The following DDB2 variants were observed in gnomAD, a reference collection of about 807,000 sequenced individuals.
DDB2 encodes the protein DNA damage-binding protein 2.
Under a neutral mutation model 50.5 loss-of-function variants are expected in DDB2, and 27 were observed. The observed-to-expected ratio is 0.53, with a 90% confidence interval of 0.39 to 0.74. DDB2 has a LOEUF of 0.74. Ranked by LOEUF, DDB2 falls within the 30% of genes least tolerant of loss-of-function variation. DDB2 has a pLI of 0.00. For synonymous variants in DDB2, 176 were observed against 205.5 expected, an observed-to-expected ratio of 0.86 and a Z score of 1.23; for missense variants, 424 against 545.6, an observed-to-expected ratio of 0.78 and a Z score of 2.22.
intron 9 of DDB2, 122 bp from the exon 10 acceptor site, chr11:47,238,678 T>A (rs1953786171): frequency 9.6e-7 from 1 of 1,044,652 alleles, no homozygotes; most frequent in Non-Finnish European, 1.4e-6. Flanking sequence ...GATTACAGAC[T>A]TGAGCCACCG....
chr11:47,235,293 C>G lies in DDB2; in HGVS notation c.904C>G (p.Arg302Gly), dbSNP rs776612511. ...AGCTTGTTTCAGTCCCGATGGAGCCCGGCTCCTGACCACGGACCAGAAGAG... is the reference window on the plus strand; with the variant it reads ...AGCTTGTTTCAGTCCCGATGGAGCCGGGCTCCTGACCACGGACCAGAAGAG... ...NAACFSPDGA[R>G]LLTTDQKSEI... Residue 302 changes from arginine to glycine, a missense_variant, in exon 7 of 10, where the codon CGG becomes GGG. By Grantham distance (125) the Arg-to-Gly change is moderately radical. Coordinates refer to ENST00000256996, the MANE Select transcript of DDB2 (RefSeq NM_000107.3). 1 of 1,614,198 alleles carries G rather than the reference C, an allele frequency of 6.2e-7. No individual in the cohort carries two copies. Among genetic ancestry groups the G allele is most frequent in the Non-Finnish European group, 8.5e-7 (1 of 1,180,026 alleles).
At chr11:47,223,263 T>A (rs1953511584) in intron 3 of DDB2, among the ~76,000 whole-genome samples, 2 of 152,108 alleles carry the variant, frequency 1.3e-5, no homozygotes, top group African/African-American at 2.4e-5. Context: ...GGCAAGTGGA[T>A]CATTTGCGAT....
intron 3 of DDB2, among the ~76,000 whole-genome samples, chr11:47,231,847 A>G (rs1379336553): frequency 2.0e-5 from 3 of 152,160 alleles, no homozygotes; most frequent in African/African-American, 7.2e-5. Context: ...GTGATGGAGA[A>G]CAGATCAGCC....
chr11:47,227,686 A>T (rs1354950891), intron 3 of DDB2, among the ~76,000 whole-genome samples: 1 of 152,060 alleles, frequency 6.6e-6, no homozygotes, highest in African/African-American at 2.4e-5. Context: ...GATTTTTAAT[A>T]GTTAAACCAA....
Position 47,237,826 on chromosome 11 carries a change from C to T in DDB2, c.1024-11C>T. The T allele has an allele frequency of 1.2e-6, 2 of 1,614,080 alleles. No individual in the cohort carries two copies. The highest frequency in any genetic ancestry group is 1.7e-6 in the Non-Finnish European group (2 of 1,180,000). On this transcript the variant is annotated splice_polypyrimidine_tract_variant and intron_variant, in intron 7 of 9. Coordinates refer to ENST00000256996, the MANE Select transcript of DDB2 (RefSeq NM_000107.3). ...GTGTTTACCCTCATGGCCGGCCTCT[C>T]CATCTCCTAGGCAGCCTGGCATCCT... is the stretch of plus-strand genomic sequence containing the variant.
chr11:47,215,990 T>TTG, intron 1 of DDB2: 1 of 403,188 alleles, frequency 2.5e-6, no homozygotes, highest in Non-Finnish European at 4.7e-6. Context: ...ATTTATAAAA[T>TTG]TGTGACCCAG....
Position 47,217,310 on chromosome 11 carries a change from A to G in DDB2, c.456+261A>G, listed in dbSNP as rs1953414955. On this transcript the variant is annotated intron_variant, in intron 3 of 9. Coordinates refer to ENST00000256996, the MANE Select transcript of DDB2 (RefSeq NM_000107.3). ...AGAATTGCTTGAACCCGGGAGGCAG[A>G]GGTTGCAGTGAGCCAAGATTGCACC... The G allele has an allele frequency of 8.2e-6, 3 of 364,796 alleles. No individual in the cohort carries two copies. The Admixed American group carries it at 1.1e-4, about 14-fold the overall frequency. The allele number at this position is 364,796 out of a possible 1,614,324, so 22.6% of individuals were successfully genotyped here. A position where few individuals can be genotyped will look rare whatever the true frequency, so the allele number is the denominator to read the frequency against.
intron 7 of DDB2, 118 bp downstream of exon 7, chr11:47,235,530 C>T: frequency 9.2e-7 from 1 of 1,088,882 alleles, no homozygotes; most frequent in Non-Finnish European, 1.4e-6. Flanking sequence ...TCGCTCCTGG[C>T]CCGAGCACAG....
At position 47,219,826 on chromosome 11, in the gene DDB2, C is replaced by T. The variant is rs111269132; in HGVS notation, c.456+2777C>T. Among the ~76,000 whole-genome samples, 106 of 152,040 alleles carry T rather than the reference C, an allele frequency of 7.0e-4. 1 individual carries two copies. The highest frequency in any genetic ancestry group is 2.2e-3 in the African/African-American group (91 of 41,448). ...TTTTTGAGATGGAGTCTCACTCCGC[C>T]GCCCAGGCTGGAGTGCAGTGGCGCA... On this transcript the variant is annotated intron_variant, in intron 3 of 9. Transcript: ENST00000256996.
intron 1 of DDB2, 180 bp downstream of exon 1, chr11:47,215,443 C>T (rs924391389): frequency 1.3e-6 from 1 of 770,120 alleles, no homozygotes; most frequent in South Asian, 1.5e-5. Context: ...ACACCTCTCC[C>T]GCTAGGTAAC....
chr11:47,232,981 G>C (rs941873927), intron 4 of DDB2, 22 bp downstream of exon 4: 7 of 1,613,854 alleles, frequency 4.3e-6, no homozygotes, highest in Middle Eastern at 1.7e-4. Context: ...AACTAGCAGG[G>C]GAAAGGGCTT....
chr11:47,220,038 C>G (rs1287756875), intron 3 of DDB2, among the ~76,000 whole-genome samples: 1 of 152,146 alleles, frequency 6.6e-6, no homozygotes, highest in Non-Finnish European at 1.5e-5. Context: ...ATCCGCCCGC[C>G]TCGACCTCCC....
rs1953700523 is a variant in DDB2 at position 47,234,801 on chromosome 11, C to G, written c.747C>G (p.Ala249=). Reference sequence around the variant, plus strand: ...ACAAAAAGAAAGTGACGCATGTGGCCCTGAACCCATGCTGTGATTGGTTCC... The same window carrying G: ...ACAAAAAGAAAGTGACGCATGTGGCGCTGAACCCATGCTGTGATTGGTTCC... The part of the protein sequence containing the change: ...RMHKKKVTHV[A]LNPCCDWFLA... Residue 249 remains alanine, a synonymous_variant, in exon 6 of 10, where the codon GCC becomes GCG. Coordinates refer to ENST00000256996, the MANE Select transcript of DDB2 (RefSeq NM_000107.3). The G allele has an allele frequency of 6.2e-7, 1 of 1,614,064 alleles. No individual in the cohort carries two copies. Among genetic ancestry groups the G allele is most frequent in the Admixed American group, 1.7e-5 (1 of 59,994 alleles).
intron 6 of DDB2, 87 bp from the exon 7 acceptor site, chr11:47,235,181 GGA>G: frequency 3.8e-6 from 6 of 1,559,486 alleles, no homozygotes; most frequent in Non-Finnish European, 5.3e-6. Flanking sequence ...GGAGTGGGAG[GGA>G]GAGTACCCCT....
chr11:47,216,426 T>A lies in DDB2; in HGVS notation c.218T>A (p.Leu73His), dbSNP rs199630230. 1.1e-4 allele frequency: 183 copies of A among 1,614,020 alleles called. 3 individuals carry two copies. In the South Asian group the frequency reaches 1.8e-3, roughly 16 times the overall value. The change falls in exon 2 of 10, where the codon CTC (leucine) becomes CAC (histidine). Residue 73 changes from leucine to histidine, a missense_variant. Physicochemically the swap from Leu to His is moderately conservative, Grantham distance 99 (BLOSUM62 -3). Transcript: ENST00000256996. ...LPPCRSIVRTLHQHKLGRASW... is the reference protein window; with the variant it reads ...LPPCRSIVRTHHQHKLGRASW... ...CCATGCCGCAGCATCGTCAGGACCC[T>A]CCACCAGCATAAGCTGGGCAGAGCT...
At chr11:47,214,833 C>T (rs1043619163), upstream of DDB2, 2 of 462,370 alleles carry the variant, frequency 4.3e-6, no homozygotes, top group Admixed American at 7.0e-5. Flanking sequence ...GTCAGCTGAC[C>T]CGGGCTGGCA....
intron 4 of DDB2, among the ~76,000 whole-genome samples, chr11:47,233,977 ATTTGAGAG>A (rs942078521): frequency 6.6e-6 from 1 of 152,150 alleles, no homozygotes; most frequent in Non-Finnish European, 1.5e-5. Context: ...TGTAGCATGG[ATTTGAGAG>A]TTTGAGAGAA....
chr11:47,230,404 A>G (rs1371700307), intron 3 of DDB2, among the ~76,000 whole-genome samples: 1 of 152,226 alleles, frequency 6.6e-6, no homozygotes, highest in Admixed American at 6.5e-5. Context: ...CAAAGCTTTC[A>G]ACACGGCTTT....
At position 47,236,779 on chromosome 11, in the gene DDB2, T is replaced by C. The variant is rs1212224604; in HGVS notation, c.1024-1058T>C. On this transcript the variant is annotated intron_variant, in intron 7 of 9. Coordinates refer to ENST00000256996, the MANE Select transcript of DDB2 (RefSeq NM_000107.3). ...TCTTAATAAATAATGTCAAGAATCC[T>C]TCCCCAGTTGGTGTTCCTGTTAATC... Among the ~76,000 whole-genome samples, 3 of 152,232 alleles carry C rather than the reference T, an allele frequency of 2.0e-5. No individual in the cohort carries two copies. The East Asian group carries it at 5.8e-4, about 29-fold the overall frequency.
Sources: gnomAD v4.1 joint callset for allele counts (sites outside exome capture counted in the v4.1 genomes callset) on GRCh38, gnomAD v4.1.1 for gene constraint, MANE v1.5 for transcripts, NCBI Gene and HGNC (gene_info 2026-07-23, HGNC 2026-07-21) for gene names.